Variants in HNF4G observed in about 807,000 individuals in gnomAD.
HNF4G encodes hepatocyte nuclear factor 4 gamma, also known as hepatocyte nuclear factor 4-gamma.
In HNF4G, 21 loss-of-function variants were observed where a neutral mutation model predicts 50.9. That is an observed-to-expected ratio of 0.41 (90% CI 0.29 to 0.59). The LOEUF (loss-of-function observed/expected upper bound fraction) is 0.59, where lower values mean the gene tolerates loss of function less well. HNF4G is among the 20% of genes least tolerant of loss of function. HNF4G has a pLI of 0.26. For missense variants in HNF4G, 527 were observed against 559.4 expected (o/e 0.94, Z 0.58); for synonymous variants, 198 against 185.6 (o/e 1.07, Z -0.54).
At chr8:75,551,270 G>A (rs950008009) in intron 3 of HNF4G, 118 bp from the exon 4 acceptor site, 1 of 583,548 alleles carries the variant, frequency 1.7e-6, no homozygotes, top group African/African-American at 1.9e-5. Context: ...TTTCTTCCAA[G>A]GTCTTTTAGA....
At chr8:75,431,992 C>G (rs1422196180) in intron 1 of HNF4G, among the ~76,000 whole-genome samples, 1 of 151,756 alleles carries the variant, frequency 6.6e-6, no homozygotes, top group Admixed American at 6.6e-5. Flanking sequence ...GTAATCCCAG[C>G]ACTGCACTTA....
Position 75,558,561 on chromosome 8 carries a change from T to G in HNF4G, c.777T>G (p.Ile259Met). 6.2e-7 allele frequency: 1 copy of G among 1,613,942 alleles called. No individual in the cohort carries two copies. Among genetic ancestry groups the G allele is most frequent in the Non-Finnish European group, 8.5e-7 (1 of 1,179,876 alleles). The change falls in exon 7 of 10, where the codon ATT becomes ATG. Residue 259 changes from isoleucine (I) to methionine (M), a missense_variant. By Grantham distance (10) the Ile-to-Met change is conservative. Coordinates refer to ENST00000396423, the MANE Select transcript of HNF4G (RefSeq NM_004133.5). Reference protein sequence around the residue: ...VIHRNSCEVEISRVANRVLDE... With the variant: ...VIHRNSCEVEMSRVANRVLDE... Reference sequence around the variant, plus strand: ...ACCGCAACAGCTGTGAAGTTGAGATTAGCCGTGTGGCCAATCGTGTTCTAG... The same window carrying G: ...ACCGCAACAGCTGTGAAGTTGAGATGAGCCGTGTGGCCAATCGTGTTCTAG...
chr8:75,449,067 A>C (rs1039332642), intron 1 of HNF4G, among the ~76,000 whole-genome samples: 6 of 152,164 alleles, frequency 3.9e-5, no homozygotes, highest in African/African-American at 1.4e-4. Context: ...GGCCCCAAAA[A>C]GTTGTTTAAA....
intron 2 of HNF4G, among the ~76,000 whole-genome samples, chr8:75,521,328 A>G (rs761676062): frequency 3.3e-5 from 5 of 152,228 alleles, no homozygotes; most frequent in Non-Finnish European, 7.3e-5. Context: ...AGGAAGACTG[A>G]AGAAAGATAT....
chr8:75,508,080 A>G (rs1805642385), intron 2 of HNF4G, among the ~76,000 whole-genome samples: 1 of 152,170 alleles, frequency 6.6e-6, no homozygotes, highest in South Asian at 2.1e-4. Flanking sequence ...GCTAAACAAC[A>G]TTATAAGAAT....
chr8:75,437,747 A>G (rs1811173740), intron 1 of HNF4G, among the ~76,000 whole-genome samples: 1 of 152,020 alleles, frequency 6.6e-6, no homozygotes, highest in Non-Finnish European at 1.5e-5. Flanking sequence ...ATATAAAAAC[A>G]TGGACATAAA....
At position 75,558,953 on chromosome 8, in the gene HNF4G, T is replaced by C; in HGVS notation, c.1039T>C (p.Trp347Arg). 1.9e-6 allele frequency: 3 copies of C among 1,614,092 alleles called. No homozygotes were observed. The highest frequency in any genetic ancestry group is 2.5e-6 in the Non-Finnish European group (3 of 1,179,966). Residue 347 changes from tryptophan (W) to arginine (R), a missense_variant, in exon 8 of 10, where the codon TGG becomes CGG. Transcript: ENST00000396423. ...CCTGCCCACACTGCAGAGCATCACG[T>C]GGCAAATGATTGAGCAAATACAGTT... ...LLLPTLQSIT[W>R]QMIEQIQFVK...
At chr8:75,549,721 T>C (rs1458465738) in intron 3 of HNF4G, among the ~76,000 whole-genome samples, 2 of 151,934 alleles carry the variant, frequency 1.3e-5, no homozygotes, top group Non-Finnish European at 2.9e-5. Context: ...AACTCATCAT[T>C]TAGCATTAGG....
chr8:75,427,991 A>G (rs1810926404), intron 1 of HNF4G, among the ~76,000 whole-genome samples: 1 of 152,224 alleles, frequency 6.6e-6, no homozygotes, highest in Admixed American at 6.5e-5. Flanking sequence ...TTTTAGTACT[A>G]GAAATCAATG....
At chr8:75,456,642 C>A (rs1444893628) in intron 1 of HNF4G, among the ~76,000 whole-genome samples, 3 of 151,984 alleles carry the variant, frequency 2.0e-5, no homozygotes. Context: ...TAACCAAAAT[C>A]TATTCCTAAT....
intron 8 of HNF4G, 81 bp from the exon 9 acceptor site, chr8:75,560,263 T>G: frequency 4.1e-6 from 6 of 1,463,968 alleles, no homozygotes; most frequent in Non-Finnish European, 5.7e-6. Flanking sequence ...ATTTAAGCTG[T>G]CAATCAAAAC....
At chr8:75,487,088 A>G (rs1213229380) in intron 1 of HNF4G, among the ~76,000 whole-genome samples, 1 of 152,174 alleles carries the variant, frequency 6.6e-6, no homozygotes, top group Non-Finnish European at 1.5e-5. Context: ...TTAAAAACCC[A>G]GTTTTTTACT....
chr8:75,471,397 T>A (rs1433686847), intron 1 of HNF4G, among the ~76,000 whole-genome samples: 1 of 152,182 alleles, frequency 6.6e-6, no homozygotes, highest in Admixed American at 6.5e-5. Context: ...ATATTTGCAA[T>A]CACCACCTGG....
rs1242853388 is a variant in HNF4G, at chr8:75,428,927, G to A, written c.-144+20765G>A. ...ATTGGGTGGAGGCAAAAGTAGATAC[G>A]GGAAGACCAGTCAAGAGAGTATTTT... is the stretch of plus-strand genomic sequence containing the variant. On this transcript the variant is annotated intron_variant, in intron 1 of 10. Transcript: ENST00000354370. Among the ~76,000 whole-genome samples the A allele has an allele frequency of 5.3e-5, 8 of 152,154 alleles. No homozygotes were observed. In the East Asian group the frequency reaches 9.6e-4, roughly 18 times the overall value.
intron 2 of HNF4G, among the ~76,000 whole-genome samples, chr8:75,504,701 C>A (rs2130712788): frequency 6.6e-6 from 1 of 152,082 alleles, no homozygotes; most frequent in East Asian, 1.9e-4. Context: ...TTATATTTCC[C>A]TTTGTCTAAA....
At chr8:75,414,262 A>G (rs1167375177) in intron 1 of HNF4G, among the ~76,000 whole-genome samples, 2 of 151,870 alleles carry the variant, frequency 1.3e-5, no homozygotes, top group South Asian at 2.1e-4. Context: ...ATCATATACT[A>G]TGTACCCTTT....
intron 1 of HNF4G, among the ~76,000 whole-genome samples, chr8:75,450,523 C>G (rs140174828): frequency 5.9e-5 from 9 of 152,258 alleles, no homozygotes; most frequent in Admixed American, 3.3e-4. Flanking sequence ...ACTGTTTTAC[C>G]TAATGGCTAT....
chr8:75,525,415 G>A (rs1182453479), intron 2 of HNF4G, among the ~76,000 whole-genome samples: 2 of 152,146 alleles, frequency 1.3e-5, no homozygotes, highest in African/African-American at 4.8e-5. Context: ...TGATCTGGCC[G>A]CTTCGGCCTC....
chr8:75,510,463 A>C (rs188145414), intron 2 of HNF4G, among the ~76,000 whole-genome samples: 15 of 152,328 alleles, frequency 9.8e-5, no homozygotes, highest in Admixed American at 2.0e-4. Flanking sequence ...ACACTCACTG[A>C]CTTACCCAGA....
Sources: allele counts gnomAD v4.1 joint callset (sites outside exome capture counted in the v4.1 genomes callset), GRCh38; gene constraint gnomAD v4.1.1; transcripts MANE v1.5; gene names NCBI Gene and HGNC (gene_info 2026-07-23, HGNC 2026-07-21).